GET4: variants seen among roughly 807,000 people sequenced by gnomAD.
GET4 encodes the protein guided entry of tail-anchored proteins factor 4.
A neutral mutation model predicts 40.0 loss-of-function variants in GET4; 20 were observed. The ratio of observed to expected loss-of-function variants is 0.50; its 90% CI spans 0.35 to 0.73. GET4 has a LOEUF of 0.73. Among genes scored for constraint, GET4 ranks in the 30% least tolerant of loss-of-function variants. The pLI, the probability that GET4 is intolerant of heterozygous loss-of-function variation, is 0.01. For synonymous variants in GET4, 280 were observed against 194.6 expected (o/e 1.44, Z -3.65); for missense variants, 557 against 454.0 (o/e 1.23, Z -2.06).
chr7:892,320 C>T lies in GET4; in HGVS notation c.648C>T (p.Phe216=). The part of the protein sequence containing the change: ...LKNKSSASVV[F]TTYTQKHPSI... ...ACAAAAGTAGCGCATCGGTGGTCTT[C>T]ACGACGTACACCCAGAAGCACCCGT... The change falls in exon 6 of 9, where the codon TTC becomes TTT. Residue 216 remains phenylalanine (F), a synonymous_variant. Coordinates refer to ENST00000265857, the MANE Select transcript of GET4 (RefSeq NM_015949.3). 2 of 1,594,802 alleles carry T rather than the reference C, an allele frequency of 1.3e-6. No homozygotes were observed. Among genetic ancestry groups the T allele is most frequent in the South Asian group, 1.1e-5 (1 of 90,686 alleles).
chr7:894,255 GTCTC>G (rs1844416120), intron 8 of GET4, among the ~76,000 whole-genome samples: 4 of 151,970 alleles, frequency 2.6e-5, no homozygotes, highest in African/African-American at 9.7e-5. Flanking sequence ...GTGCTCCCCC[GTCTC>G]TCTGTGCGCC....
At chr7:878,874 C>T (rs1190894194) in intron 1 of GET4, among the ~76,000 whole-genome samples, 6 of 152,188 alleles carry the variant, frequency 3.9e-5, no homozygotes, top group African/African-American at 7.2e-5. Flanking sequence ...CCACGGCGCC[C>T]GGCCAGTAGA....
At chr7:884,062 A>G in intron 1 of GET4, 2 of 1,179,794 alleles carry the variant, frequency 1.7e-6, no homozygotes, top group Non-Finnish European at 2.1e-6. Context: ...GTGCAGGAAT[A>G]TGGGTCACTG....
chr7:887,583 G>A (rs997361494), intron 4 of GET4, 64 bp downstream of exon 4: 11 of 1,270,908 alleles, frequency 8.7e-6, no homozygotes, highest in Admixed American at 5.2e-5. Context: ...TGCACTGTGC[G>A]TTCCAATACA....
Position 887,418 on chromosome 7 carries a change from G to A in GET4, c.365G>A (p.Arg122His), listed in dbSNP as rs1268790820. 10 of 1,604,260 alleles carry A rather than the reference G, an allele frequency of 6.2e-6. No homozygotes were observed. Among genetic ancestry groups the A allele is most frequent in the African/African-American group, 1.3e-5 (1 of 74,590 alleles). ...FSLMDPNSPERVTFVSRALKW... is the reference protein window; with the variant it reads ...FSLMDPNSPEHVTFVSRALKW... ...CTGATGGACCCCAACTCTCCTGAGC[G>A]CGTGACCTTTGTGTCCAGAGCCCTG... The change falls in exon 4 of 9, where the codon CGC (arginine) becomes CAC (histidine). Residue 122 changes from arginine to histidine, a missense_variant. Transcript: ENST00000265857.
chr7:877,954 CACCTCCCT>C (rs911738967), intron 1 of GET4: 4 of 200,424 alleles, frequency 2.0e-5, no homozygotes, highest in African/African-American at 1.0e-4. Context: ...CGCATTCCCC[CACCTCCCT>C]GCCTCCCTCC....
intron 4 of GET4, among the ~76,000 whole-genome samples, chr7:889,288 C>T (rs903629803): frequency 5.3e-5 from 8 of 152,260 alleles, no homozygotes; most frequent in African/African-American, 1.4e-4. Flanking sequence ...GAGCCCAGGC[C>T]TGCTCCACGG....
chr7:895,283 G>A lies in GET4; in HGVS notation c.896-51G>A, dbSNP rs193288044. The stretch of plus-strand genomic sequence containing the variant: ...CGTTTGTGGGAAGGAGGGGCTTGGG[G>A]GCCTGTGGGAGGCTGCCCAGGCGTG... On this transcript the variant is annotated intron_variant, in intron 8 of 8. Transcript: ENST00000265857. 81 of 869,108 alleles carry A rather than the reference G, an allele frequency of 9.3e-5. 1 individual carries two copies. The East Asian group carries it at 1.5e-3, about 16-fold the overall frequency. The allele number at this position is 869,108 out of a possible 1,614,324, so 53.8% of individuals were successfully genotyped here. A position where few individuals can be genotyped will look rare whatever the true frequency, so the allele number is the denominator to read the frequency against.
intron 3 of GET4, 145 bp from the exon 4 acceptor site, chr7:887,225 G>C (rs780523340): frequency 2.1e-4 from 179 of 847,700 alleles, no homozygotes; most frequent in Non-Finnish European, 3.6e-4. Flanking sequence ...GCTCAGTGTG[G>C]TGGTCCACGG....
chr7:886,919 A>G (rs1016596810), intron 3 of GET4: 2 of 546,642 alleles, frequency 3.7e-6, no homozygotes, highest in African/African-American at 3.8e-5. Flanking sequence ...TCCGATGGAC[A>G]GTGGCCTCCC....
chr7:879,282 G>C (rs1012617632), intron 1 of GET4, among the ~76,000 whole-genome samples: 1 of 152,242 alleles, frequency 6.6e-6, no homozygotes, highest in African/African-American at 2.4e-5. Flanking sequence ...GCGAGTGGCC[G>C]GCACGCCGCG....
At chr7:885,240 A>G (rs953008832) in intron 1 of GET4, 1 of 152,270 alleles carries the variant, frequency 6.6e-6, no homozygotes, top group African/African-American at 2.4e-5. Flanking sequence ...AGCCAATGAA[A>G]TAACATGTTC....
intron 1 of GET4, chr7:880,640 C>T (rs1445203955): frequency 6.6e-6 from 1 of 152,258 alleles, no homozygotes; most frequent in Non-Finnish European, 1.5e-5. Flanking sequence ...GGGTCACACG[C>T]CACCTCTTAC....
intron 1 of GET4, among the ~76,000 whole-genome samples, chr7:879,360 T>C (rs572957074): frequency 1.1e-4 from 16 of 152,344 alleles, no homozygotes; most frequent in African/African-American, 3.8e-4. Context: ...GGATGCCATT[T>C]CGTTGCTTAA....
intron 4 of GET4, among the ~76,000 whole-genome samples, chr7:889,531 G>A (rs1419044328): frequency 6.6e-6 from 1 of 152,188 alleles, no homozygotes; most frequent in Non-Finnish European, 1.5e-5. Flanking sequence ...GCTCCTGTTG[G>A]GCAGCGCAGT....
chr7:893,113 A>T (rs879143781), intron 6 of GET4, among the ~76,000 whole-genome samples: 1 of 69,872 alleles, frequency 1.4e-5, no homozygotes, highest in South Asian at 5.6e-4. Flanking sequence ...GTGTGCAGGC[A>T]AGTGTTGGGT....
chr7:893,470 G>C (rs542760783), intron 6 of GET4, among the ~76,000 whole-genome samples: 3 of 139,870 alleles, frequency 2.1e-5, no homozygotes, highest in East Asian at 2.3e-4. Flanking sequence ...GCGCGGGCGC[G>C]GTGGTTTGTG....
intron 1 of GET4, chr7:881,427 G>T: frequency 6.6e-6 from 1 of 152,088 alleles, no homozygotes. Context: ...TACGTATGTG[G>T]AATCACAGTG....
Position 876,755 on chromosome 7 carries a change from G to T in GET4, c.110G>T (p.Gly37Val). The part of the protein sequence containing the change: ...EGKLRASVEK[G>V]DYYEAHQMYR... ...AAGCTGCGCGCCAGCGTCGAGAAGG[G>T]CGACTACTACGAGGCGCACCAGATG... The change falls in exon 1 of 9, where the codon GGC becomes GTC. Residue 37 changes from glycine (G) to valine (V), a missense_variant. Transcript: ENST00000265857. 2 of 1,369,010 alleles carry T rather than the reference G, an allele frequency of 1.5e-6. No homozygotes were observed. The highest frequency in any genetic ancestry group is 1.9e-6 in the Non-Finnish European group (2 of 1,047,116). The allele number at this position is 1,369,010 out of a possible 1,614,324, so 84.8% of individuals were successfully genotyped here. A position where few individuals can be genotyped will look rare whatever the true frequency, so the allele number is the denominator to read the frequency against.
Sources: gnomAD v4.1 joint callset for allele counts (sites outside exome capture counted in the v4.1 genomes callset) on GRCh38, gnomAD v4.1.1 for gene constraint, MANE v1.5 for transcripts, NCBI Gene and HGNC (gene_info 2026-07-23, HGNC 2026-07-21) for gene names.